XRCC4: variants seen among roughly 807,000 people sequenced by gnomAD.
XRCC4 encodes the protein DNA repair protein XRCC4.
XRCC4 carries 28 observed loss-of-function variants against 39.1 expected under a neutral mutation model. The ratio of observed to expected loss-of-function variants is 0.72; its 90% CI spans 0.53 to 0.98. The LOEUF (loss-of-function observed/expected upper bound fraction) is 0.98, where lower values mean the gene tolerates loss of function less well. Ranked by LOEUF, XRCC4 falls within the 50% of genes least tolerant of loss-of-function variation. The pLI, the probability that XRCC4 is intolerant of heterozygous loss-of-function variation, is 0.00. For missense variants in XRCC4, 350 were observed against 376.4 expected, an observed-to-expected ratio of 0.93 and a Z score of 0.58; for synonymous variants, 123 against 126.4, an observed-to-expected ratio of 0.97 and a Z score of 0.18.
chr5:83,321,787 A>C (rs1224873843), intron 7 of XRCC4, among the ~76,000 whole-genome samples: 1 of 151,940 alleles, frequency 6.6e-6, no homozygotes, highest in Admixed American at 6.6e-5. Context: ...TATTCCCTGA[A>C]GAATTTTTTA....
rs142672293 is a variant in XRCC4 at position 83,084,458 on chromosome 5, G to A, written c.-11+6843G>A. On this transcript the variant is annotated intron_variant, in intron 1 of 7. Transcript: ENST00000396027. The stretch of plus-strand genomic sequence containing the variant: ...CACTTTTGGGGAGGAAAACATTCTT[G>A]AGATTTGTGTTGCCAAAAAGAAGAA... Among the ~76,000 whole-genome samples, 10 of 152,278 alleles carry A rather than the reference G, an allele frequency of 6.6e-5. No individual in the cohort carries two copies. In the East Asian group the frequency reaches 1.9e-3, roughly 29 times the overall value.
chr5:83,155,590 A>T (rs1488279340), intron 3 of XRCC4, among the ~76,000 whole-genome samples: 1 of 152,110 alleles, frequency 6.6e-6, no homozygotes, highest in African/African-American at 2.4e-5. Context: ...ACTAGCCTAT[A>T]CTAGTGTGAC....
intron 7 of XRCC4, among the ~76,000 whole-genome samples, chr5:83,351,197 G>A (rs929994214): frequency 3.3e-5 from 5 of 152,044 alleles, no homozygotes; most frequent in South Asian, 2.1e-4. Context: ...ACCTTCTACC[G>A]TGAGGCTTCT....
intron 3 of XRCC4, among the ~76,000 whole-genome samples, chr5:83,189,785 C>T (rs2940544): frequency 0.46 from 69,596 of 151,978 alleles, 16,423 homozygotes; most frequent in South Asian, 0.52. Context: ...ACATTTCAGG[C>T]CAGACTCAGT....
intron 7 of XRCC4, among the ~76,000 whole-genome samples, chr5:83,292,521 T>C (rs1008957025): frequency 6.6e-6 from 1 of 152,020 alleles, no homozygotes; most frequent in Non-Finnish European, 1.5e-5. Flanking sequence ...CTGTTTGTTT[T>C]ATGGTAATGA....
intron 7 of XRCC4, among the ~76,000 whole-genome samples, chr5:83,320,246 T>G (rs1756012000): frequency 2.1e-5 from 3 of 144,910 alleles, no homozygotes; most frequent in Admixed American, 6.9e-5. Flanking sequence ...TTGGGAGATA[T>G]ACCTAATGAT....
chr5:83,247,281 G>A (rs11960292), intron 6 of XRCC4, among the ~76,000 whole-genome samples: 2,441 of 152,226 alleles, frequency 0.016, 64 homozygotes, highest in African/African-American at 0.055. Flanking sequence ...ATATCTTACA[G>A]CAGGGGTCCT....
intron 7 of XRCC4, among the ~76,000 whole-genome samples, chr5:83,287,302 G>T (rs1277169679): frequency 1.3e-5 from 2 of 152,016 alleles, no homozygotes. Flanking sequence ...CAAAATCATT[G>T]GCCGAAGCTT....
intron 7 of XRCC4, among the ~76,000 whole-genome samples, chr5:83,267,487 T>C (rs772844481): frequency 1.4e-4 from 22 of 152,098 alleles, no homozygotes; most frequent in Non-Finnish European, 2.9e-4. Flanking sequence ...GAGATATAAA[T>C]GGAAATGATA....
chr5:83,324,773 T>C (rs796887819), intron 7 of XRCC4, among the ~76,000 whole-genome samples: 13 of 152,218 alleles, frequency 8.5e-5, no homozygotes, highest in African/African-American at 3.1e-4. Flanking sequence ...GTGAAGTATT[T>C]GACATTAGGT....
intron 1 of XRCC4, among the ~76,000 whole-genome samples, chr5:83,102,954 A>C (rs1746008199): frequency 6.8e-6 from 1 of 148,122 alleles, no homozygotes; most frequent in Non-Finnish European, 1.5e-5. Flanking sequence ...TTTTATTCAT[A>C]CAATGAGGAT....
chr5:83,311,708 T>C (rs1755714351), intron 7 of XRCC4, among the ~76,000 whole-genome samples: 1 of 152,050 alleles, frequency 6.6e-6, no homozygotes, highest in South Asian at 2.1e-4. Flanking sequence ...AAAAGTTGTA[T>C]CTGTATCTGT....
intron 6 of XRCC4, among the ~76,000 whole-genome samples, chr5:83,246,213 A>G (rs1416475585): frequency 1.3e-5 from 2 of 151,824 alleles, no homozygotes. Context: ...CTTCTTTTCT[A>G]CTTTTCCAGC....
At chr5:83,127,200 G>A (rs1220124057) in intron 3 of XRCC4, among the ~76,000 whole-genome samples, 4 of 152,206 alleles carry the variant, frequency 2.6e-5, no homozygotes, top group Admixed American at 1.3e-4. Flanking sequence ...GGGGCTAGGG[G>A]TGGAATACTA....
At chr5:83,114,060 C>T (rs571475304) in intron 3 of XRCC4, among the ~76,000 whole-genome samples, 38 of 152,308 alleles carry the variant, frequency 2.5e-4, no homozygotes, top group African/African-American at 8.2e-4. Context: ...AAGCAAGGCC[C>T]GATCTGTACC....
chr5:83,216,094 A>G (rs567407655), intron 6 of XRCC4, among the ~76,000 whole-genome samples: 1 of 152,336 alleles, frequency 6.6e-6, no homozygotes, highest in East Asian at 1.9e-4. Flanking sequence ...TAGCATATAT[A>G]AAGAATATTT....
Position 83,174,929 on chromosome 5 carries a change from C to G in XRCC4, c.316-20841C>G, listed in dbSNP as rs549387764. Among the ~76,000 whole-genome samples the G allele has an allele frequency of 8.6e-4, 131 of 152,208 alleles. No homozygotes were observed. In the Middle Eastern group the frequency reaches 0.01, roughly 12 times the overall value. Reference sequence around the variant, plus strand: ...AAAATCAATATATTAGCATTGTAGGCCTTATACTACTACTCTCTTTTCATT... The same window carrying G: ...AAAATCAATATATTAGCATTGTAGGGCTTATACTACTACTCTCTTTTCATT... On this transcript the variant is annotated intron_variant, in intron 3 of 7. Coordinates refer to ENST00000396027, the MANE Select transcript of XRCC4 (RefSeq NM_003401.5).
At chr5:83,173,386 C>A (rs988282705) in intron 3 of XRCC4, among the ~76,000 whole-genome samples, 3 of 152,112 alleles carry the variant, frequency 2.0e-5, no homozygotes, top group Admixed American at 1.3e-4. Flanking sequence ...TATAACATTT[C>A]TCATACTATA....
chr5:83,329,501 C>G (rs554393384), intron 7 of XRCC4, among the ~76,000 whole-genome samples: 9 of 152,080 alleles, frequency 5.9e-5, no homozygotes, highest in African/African-American at 1.9e-4. Context: ...AGTTTTGAAA[C>G]ATATAAAAAT....
Sources: gnomAD v4.1 joint callset for allele counts (sites outside exome capture counted in the v4.1 genomes callset) on GRCh38, gnomAD v4.1.1 for gene constraint, MANE v1.5 for transcripts, NCBI Gene and HGNC (gene_info 2026-07-23, HGNC 2026-07-21) for gene names.